Variants in JPH2 observed in about 807,000 individuals in gnomAD.
JPH2 encodes junctophilin-2.
JPH2 carries 38 observed loss-of-function variants against 55.9 expected under a neutral mutation model. That is an observed-to-expected ratio of 0.68 (90% CI 0.52 to 0.89). The LOEUF (loss-of-function observed/expected upper bound fraction) is 0.89, where lower values mean the gene tolerates loss of function less well. Among genes scored for constraint, JPH2 ranks in the 40% least tolerant of loss-of-function variants. The pLI is 0.00. For missense variants in JPH2, 964 were observed against 1,037.6 expected (o/e 0.93, Z 0.97); for synonymous variants, 480 against 472.4 (o/e 1.02, Z -0.21).
At position 44,160,244 on chromosome 20, in the gene JPH2, G is replaced by A. The variant is rs2072600286; in HGVS notation, c.543C>T (p.Ala181=). 2.0e-6 allele frequency: 3 copies of A among 1,514,722 alleles called. No individual in the cohort carries two copies. Among genetic ancestry groups the A allele is most frequent in the Middle Eastern group, 2.1e-4 (1 of 4,856 alleles). 93.8% of individuals were successfully genotyped at this position (1,514,722 alleles called of 1,614,324 possible). The change falls in exon 2 of 6, where the codon GCC becomes GCT. Residue 181 remains alanine, a synonymous_variant. Transcript: ENST00000372980. The surrounding 1 kb of genome is among the most constrained non-coding windows in gnomAD (Gnocchi z 4.9). ...SNGTVAPDSP[A]SPASDGPALP... is the part of the protein sequence containing the mutation. ...GCGCGGGGCCGTCGGAGGCCGGCGA[G>A]GCGGGAGAGTCCGGGGCCACCGTGC... is the stretch of plus-strand genomic sequence containing the variant.
rs143352516 is a variant in JPH2, at chr20:44,139,022, C to A, written c.1170-20399G>T. Among the ~76,000 whole-genome samples, 237 of 152,250 alleles carry A rather than the reference C, an allele frequency of 1.6e-3. 1 individual carries two copies. Among genetic ancestry groups the A allele is most frequent in the African/African-American group, 5.5e-3 (230 of 41,524 alleles). On this transcript the variant is annotated intron_variant, in intron 2 of 5. Transcript: ENST00000372980. ...CTCCTGTTTGCTCTTCCATGCTGAC[C>A]TCACTGGGCTGCCCTGGACTCCCTC...
chr20:44,117,011 TG>T (rs1174695082), intron 3 of JPH2, among the ~76,000 whole-genome samples: 5 of 152,244 alleles, frequency 3.3e-5, no homozygotes, highest in African/African-American at 1.2e-4. Flanking sequence ...CTGGGCGCGG[TG>T]GCTCACGCCT....
rs775179837 is a variant in JPH2 at position 44,115,885 on chromosome 20, G to C, written c.1790C>G (p.Ser597Trp). ...PEVSGSESAP[S>W]SPATAPLQAP... ...CTGCAGCGGGGCGGTGGCCGGGGAC[G>C]AGGGCGCGGACTCGGACCCGGAGAC... The change falls in exon 4 of 6, where the codon TCG becomes TGG. Residue 597 changes from serine to tryptophan, a missense_variant. By Grantham distance (177) the Ser-to-Trp change is radical. Transcript: ENST00000372980. 9 of 1,580,740 alleles carry C rather than the reference G, an allele frequency of 5.7e-6. No individual in the cohort carries two copies. The highest frequency in any genetic ancestry group is 7.7e-6 in the Non-Finnish European group (9 of 1,169,788).
intron 2 of JPH2, among the ~76,000 whole-genome samples, chr20:44,119,697 C>T (rs1222223916): frequency 6.6e-6 from 1 of 152,074 alleles, no homozygotes; most frequent in African/African-American, 2.4e-5. Flanking sequence ...CATGGTGAAA[C>T]CCCATCTCTA....
At chr20:44,138,509 G>A (rs1028839471) in intron 2 of JPH2, among the ~76,000 whole-genome samples, 1 of 151,966 alleles carries the variant, frequency 6.6e-6, no homozygotes, top group Non-Finnish European at 1.5e-5. Flanking sequence ...CTCCCGAACA[G>A]CACCTGGGAC....
At chr20:44,164,853 G>A (rs1460648646) in intron 1 of JPH2, among the ~76,000 whole-genome samples, 39 of 149,120 alleles carry the variant, frequency 2.6e-4, no homozygotes, top group African/African-American at 4.0e-4. Context: ...TTTGGAGGTC[G>A]GGGGATGGAG....
At chr20:44,140,878 A>G (rs994079858) in intron 2 of JPH2, among the ~76,000 whole-genome samples, 6 of 152,172 alleles carry the variant, frequency 3.9e-5, no homozygotes, top group African/African-American at 1.4e-4. Flanking sequence ...GTACTATATC[A>G]ATTTCTACCA....
chr20:44,139,205 AG>A (rs1248092438), intron 2 of JPH2, among the ~76,000 whole-genome samples: 1 of 152,198 alleles, frequency 6.6e-6, no homozygotes, highest in Non-Finnish European at 1.5e-5. Flanking sequence ...AGAACCACAG[AG>A]GGGCAGGGAC....
chr20:44,146,367 G>A (rs905536318), intron 2 of JPH2, among the ~76,000 whole-genome samples: 26 of 152,066 alleles, frequency 1.7e-4, no homozygotes, highest in Admixed American at 1.1e-3. Context: ...TCTCCTTGCT[G>A]CCTGGGACCC....
intron 2 of JPH2, among the ~76,000 whole-genome samples, chr20:44,131,104 T>C (rs1271175716): frequency 6.6e-6 from 1 of 152,150 alleles, no homozygotes; most frequent in Non-Finnish European, 1.5e-5. Flanking sequence ...TCCCCCTGAG[T>C]GTGGGCTGGA....
At chr20:44,180,050 T>G (rs1249954379) in intron 1 of JPH2, among the ~76,000 whole-genome samples, 1 of 152,138 alleles carries the variant, frequency 6.6e-6, no homozygotes, top group East Asian at 1.9e-4. Context: ...TGAAATCCCG[T>G]CTCTACTAAA....
At position 44,134,644 on chromosome 20, in the gene JPH2, AATATTTATTATAAATATATAT is replaced by A. The variant is rs1569194986; in HGVS notation, c.1170-16042_1170-16022del. ...AATATATATTTATTATAAATATATAAATATTTATTATAAATATATATAAATATATATTTATAAATATTATAA... is the reference window on the plus strand; with the variant it reads ...AATATATATTTATTATAAATATATAAAAATATATATTTATAAATATTATAA... On this transcript the variant is annotated intron_variant, in intron 2 of 5. Coordinates refer to ENST00000372980, the MANE Select transcript of JPH2 (RefSeq NM_020433.5). Among the ~76,000 whole-genome samples the A allele has an allele frequency of 6.5e-5, 2 of 30,650 alleles. 1 individual carries two copies. The highest frequency in any genetic ancestry group is 2.8e-4 in the African/African-American group (2 of 7,042). 20.1% of individuals were successfully genotyped at this position (30,650 alleles called of 152,430 possible). A position where few individuals can be genotyped will look rare whatever the true frequency, so the allele number is the denominator to read the frequency against.
At chr20:44,144,070 TG>T (rs1443176044) in intron 2 of JPH2, among the ~76,000 whole-genome samples, 46 of 152,322 alleles carry the variant, frequency 3.0e-4, no homozygotes, top group South Asian at 1.0e-3. Flanking sequence ...AAGCCCTGCC[TG>T]GCTGTGAAGA....
At chr20:44,145,758 G>A (rs1310064051) in intron 2 of JPH2, among the ~76,000 whole-genome samples, 10 of 152,042 alleles carry the variant, frequency 6.6e-5, no homozygotes, top group African/African-American at 2.4e-4. Flanking sequence ...GCCAACTGAG[G>A]CTTCACGAGA....
intron 2 of JPH2, among the ~76,000 whole-genome samples, chr20:44,124,378 C>T (rs1338434385): frequency 2.0e-5 from 3 of 152,276 alleles, no homozygotes; most frequent in South Asian, 2.1e-4. Context: ...CCCCTCCTGC[C>T]GCGATCCTGG....
chr20:44,176,605 C>CCGGGCATCTCCATG (rs2072735231), intron 1 of JPH2, among the ~76,000 whole-genome samples: 1 of 151,838 alleles, frequency 6.6e-6, no homozygotes, highest in Non-Finnish European at 1.5e-5. Context: ...AGTTTGAGAC[C>CCGGGCATCTCCATG]AGCCAGGGCA....
intron 1 of JPH2, among the ~76,000 whole-genome samples, chr20:44,180,374 T>C (rs2072770860): frequency 6.6e-6 from 1 of 152,052 alleles, no homozygotes. Context: ...TTCTGTTGCA[T>C]AGCCTGGAGT....
At chr20:44,150,675 G>A (rs570359018) in intron 2 of JPH2, among the ~76,000 whole-genome samples, 1 of 152,170 alleles carries the variant, frequency 6.6e-6, no homozygotes, top group Non-Finnish European at 1.5e-5. Context: ...GCATAAGGAT[G>A]GATGTATATA....
Position 44,182,659 on chromosome 20 carries a change from T to C in JPH2, c.379+3668A>G, listed in dbSNP as rs187916028. The stretch of plus-strand genomic sequence containing the variant: ...GGGACCTACTTCCTCTACAGGCTCC[T>C]CCATCCTCCTTCTGAGACGACTCCA... On this transcript the variant is annotated intron_variant, in intron 1 of 5. Transcript: ENST00000372980. Among the ~76,000 whole-genome samples the C allele has an allele frequency of 3.9e-4, 60 of 152,330 alleles. No homozygotes were observed. The East Asian group carries it at 9.4e-3, about 24-fold the overall frequency.
Sources: allele counts gnomAD v4.1 joint callset (sites outside exome capture counted in the v4.1 genomes callset), GRCh38; gene constraint gnomAD v4.1.1; non-coding constraint Gnocchi (gnomAD v3.1); transcripts MANE v1.5; gene names NCBI Gene and HGNC (gene_info 2026-07-23, HGNC 2026-07-21).